The following FSTL5 variants were observed in gnomAD, a reference collection of about 807,000 sequenced individuals.
The protein encoded by FSTL5 is follistatin like 5, also known as follistatin-related protein 5.
Under a neutral mutation model 89.1 loss-of-function variants are expected in FSTL5, and 62 were observed. The ratio of observed to expected loss-of-function variants is 0.70; its 90% CI spans 0.57 to 0.86. The LOEUF is 0.86. FSTL5 is among the 40% of genes least tolerant of loss of function. FSTL5 has a pLI of 0.00. For missense variants in FSTL5, 1,057 were observed against 1,001.6 expected (o/e 1.06, Z -0.75); for synonymous variants, 383 against 346.2 (o/e 1.11, Z -1.18).
intron 6 of FSTL5, among the ~76,000 whole-genome samples, chr4:161,721,870 A>G (rs150102050): frequency 1.9e-3 from 287 of 152,360 alleles, no homozygotes; most frequent in African/African-American, 6.6e-3. Context: ...GTGAATTTTA[A>G]AATAGTTTGC....
At chr4:162,023,847 T>C (rs894231039) in intron 3 of FSTL5, among the ~76,000 whole-genome samples, 14 of 152,138 alleles carry the variant, frequency 9.2e-5, no homozygotes, top group African/African-American at 3.4e-4. Flanking sequence ...TTCTGGCCTC[T>C]GGCTTCAGAG....
At chr4:161,601,186 G>C (rs1183474592) in intron 7 of FSTL5, among the ~76,000 whole-genome samples, 3 of 152,032 alleles carry the variant, frequency 2.0e-5, no homozygotes, top group Non-Finnish European at 4.4e-5. Flanking sequence ...CAGAAAGACT[G>C]GGGGCAGGAG....
At position 161,587,524 on chromosome 4, in the gene FSTL5, C is replaced by T. The variant is rs199831351; in HGVS notation, c.946G>A (p.Val316Ile). The change falls in exon 8 of 16, where the codon GTT (valine) becomes ATT (isoleucine). Residue 316 changes from valine (V) to isoleucine (I), a missense_variant. This residue lies in a region of FSTL5 where 980 missense variants were observed against 903.2 expected (regional missense o/e 1.08). Transcript: ENST00000306100. ...LYITKVTTTH[V>I]GNYTCYADGY... Reference sequence around the variant, plus strand: ...TCTGCATAGCAGGTGTAATTGCCAACGTGAGTTGTGGTAACCTTAGTAATA... The same window carrying T: ...TCTGCATAGCAGGTGTAATTGCCAATGTGAGTTGTGGTAACCTTAGTAATA... The T allele has an allele frequency of 1.7e-5, 27 of 1,611,544 alleles. 1 individual carries two copies. The highest frequency in any genetic ancestry group is 2.7e-5 in the African/African-American group (2 of 74,806).
At chr4:161,574,938 T>A (rs1733159535) in intron 8 of FSTL5, among the ~76,000 whole-genome samples, 2 of 152,214 alleles carry the variant, frequency 1.3e-5, no homozygotes, top group South Asian at 4.1e-4. Context: ...TCCACAATGG[T>A]CGAACAACTA....
chr4:161,635,582 T>C (rs1290003886), intron 7 of FSTL5, among the ~76,000 whole-genome samples: 1 of 152,188 alleles, frequency 6.6e-6, no homozygotes, highest in East Asian at 1.9e-4. Flanking sequence ...GTTGACTCTT[T>C]GTAAATACTC....
intron 1 of FSTL5, among the ~76,000 whole-genome samples, chr4:162,140,481 T>C (rs1732685890): frequency 6.6e-6 from 1 of 152,140 alleles, no homozygotes; most frequent in Non-Finnish European, 1.5e-5. Context: ...AAGGAAAGAA[T>C]CCAGTGAGGT....
chr4:161,466,520 A>G (rs531042168), intron 13 of FSTL5, among the ~76,000 whole-genome samples: 5 of 152,198 alleles, frequency 3.3e-5, no homozygotes, highest in Non-Finnish European at 7.4e-5. Flanking sequence ...TCAAGATAAT[A>G]CGCTAATGGC....
chr4:161,459,951 T>C (rs1733501161), intron 13 of FSTL5, among the ~76,000 whole-genome samples: 1 of 151,148 alleles, frequency 6.6e-6, no homozygotes, highest in East Asian at 1.9e-4. Context: ...TTTATAATAA[T>C]ATGTATAATA....
intron 10 of FSTL5, among the ~76,000 whole-genome samples, chr4:161,527,738 G>C (rs1041441982): frequency 1.5e-4 from 22 of 151,442 alleles, no homozygotes; most frequent in Admixed American, 4.6e-4. Context: ...TCAGTGTGGC[G>C]ATTCCTCAGG....
At chr4:161,976,501 A>G (rs1333213774) in intron 3 of FSTL5, among the ~76,000 whole-genome samples, 1 of 152,106 alleles carries the variant, frequency 6.6e-6, no homozygotes, top group Non-Finnish European at 1.5e-5. Context: ...GTTGTTGCTG[A>G]GTCGGAGTCT....
chr4:161,389,964 C>T (rs949011993), intron 15 of FSTL5, among the ~76,000 whole-genome samples: 2 of 152,134 alleles, frequency 1.3e-5, no homozygotes, highest in African/African-American at 4.8e-5. Context: ...CCAAGTGTGG[C>T]TATAACTTTC....
chr4:161,695,424 C>CATGT (rs1553959078), intron 6 of FSTL5, among the ~76,000 whole-genome samples: 16 of 134,248 alleles, frequency 1.2e-4, no homozygotes, highest in Admixed American at 6.2e-4. Context: ...CCATGGTGTA[C>CATGT]GTGTGTGTGT....
At chr4:161,744,461 T>G (rs1427041628) in intron 6 of FSTL5, among the ~76,000 whole-genome samples, 2 of 152,156 alleles carry the variant, frequency 1.3e-5, no homozygotes, top group African/African-American at 4.8e-5. Context: ...CCTAATTTTA[T>G]GTCTATACAT....
chr4:162,084,302 T>C (rs948530840), intron 2 of FSTL5, among the ~76,000 whole-genome samples: 3 of 151,948 alleles, frequency 2.0e-5, no homozygotes, highest in African/African-American at 7.2e-5. Context: ...AGGTTTATAT[T>C]GCAATTTAAT....
chr4:161,592,880 C>T (rs1733876559), intron 7 of FSTL5, among the ~76,000 whole-genome samples: 2 of 152,118 alleles, frequency 1.3e-5, no homozygotes, highest in African/African-American at 4.8e-5. Context: ...CTAATTTACA[C>T]TCCCACCAAC....
At chr4:161,638,371 C>A (rs1165254716) in intron 7 of FSTL5, among the ~76,000 whole-genome samples, 1 of 152,064 alleles carries the variant, frequency 6.6e-6, no homozygotes, top group African/African-American at 2.4e-5. Flanking sequence ...TGGGCTGAGA[C>A]AATGGGGTTT....
At chr4:162,163,471 T>C (rs1733774059) in intron 1 of FSTL5, 144 bp downstream of exon 1, 1 of 103,558 alleles carries the variant, frequency 9.7e-6, no homozygotes, top group African/African-American at 4.8e-5. Context: ...ATAATAATAG[T>C]AATTATTAAA....
chr4:161,993,212 T>A (rs1425983716), intron 3 of FSTL5, among the ~76,000 whole-genome samples: 1 of 151,792 alleles, frequency 6.6e-6, no homozygotes, highest in Non-Finnish European at 1.5e-5. Flanking sequence ...ATCACAATAC[T>A]GTCATCTAAC....
chr4:162,055,832 C>A (rs1019578201), intron 2 of FSTL5, among the ~76,000 whole-genome samples: 16 of 151,754 alleles, frequency 1.1e-4, no homozygotes, highest in Non-Finnish European at 1.2e-4. Context: ...AAATGTGGCA[C>A]TGCAAGTCAC....
Sources: allele counts gnomAD v4.1 joint callset (sites outside exome capture counted in the v4.1 genomes callset), GRCh38; gene constraint gnomAD v4.1.1; regional missense constraint gnomAD v4.1.1; transcripts MANE v1.5; gene names NCBI Gene and HGNC (gene_info 2026-07-23, HGNC 2026-07-21).